Variants in CTNND2 observed in about 807,000 individuals in gnomAD.
The protein encoded by CTNND2 is catenin delta-2.
A neutral mutation model predicts 144.4 loss-of-function variants in CTNND2; 22 were observed. The ratio of observed to expected loss-of-function variants is 0.15; its 90% CI spans 0.11 to 0.22. The LOEUF is 0.22. CTNND2 is among the 10% of genes least tolerant of loss of function. The probability of loss-of-function intolerance (pLI) is 1.00; values close to 1 mark genes in which losing one functional copy is unlikely to be tolerated. For synonymous variants in CTNND2, 751 were observed against 695.6 expected, an observed-to-expected ratio of 1.08 and a Z score of -1.25; for missense variants, 1,353 against 1,618.8, an observed-to-expected ratio of 0.84 and a Z score of 2.82.
intron 1 of CTNND2, among the ~76,000 whole-genome samples, chr5:11,901,214 G>C (rs1337439044): frequency 6.6e-6 from 1 of 152,104 alleles, no homozygotes; most frequent in Non-Finnish European, 1.5e-5. Context: ...CCTTCGACAA[G>C]TCCACACAAA....
At chr5:11,172,174 T>C (rs937151170) in intron 11 of CTNND2, among the ~76,000 whole-genome samples, 7 of 152,132 alleles carry the variant, frequency 4.6e-5, no homozygotes, top group African/African-American at 1.7e-4. Flanking sequence ...TGATCTGGGG[T>C]GGGTCCTGCT....
intron 13 of CTNND2, among the ~76,000 whole-genome samples, chr5:11,117,165 C>T (rs1445122995): frequency 6.6e-6 from 1 of 151,590 alleles, no homozygotes; most frequent in African/African-American, 2.4e-5. Context: ...TTGTGAGCAA[C>T]GTGGTATTCA....
chr5:11,247,272 A>C (rs1466633991), intron 9 of CTNND2, among the ~76,000 whole-genome samples: 1 of 152,152 alleles, frequency 6.6e-6, no homozygotes, highest in Non-Finnish European at 1.5e-5. Flanking sequence ...AAGCACGGGC[A>C]GTCTGGATGC....
chr5:11,547,171 G>C (rs1289573189), intron 3 of CTNND2, among the ~76,000 whole-genome samples: 2 of 151,990 alleles, frequency 1.3e-5, no homozygotes, highest in Non-Finnish European at 2.9e-5. Context: ...AGGAAGCTGA[G>C]GCAGGAGAAT....
chr5:11,303,592 T>C (rs955752602), intron 9 of CTNND2, among the ~76,000 whole-genome samples: 2 of 152,198 alleles, frequency 1.3e-5, no homozygotes, highest in African/African-American at 4.8e-5. Flanking sequence ...AGTATTTATC[T>C]GCTGACCATA....
At chr5:11,148,561 C>T (rs1055685248) in intron 12 of CTNND2, among the ~76,000 whole-genome samples, 4 of 152,186 alleles carry the variant, frequency 2.6e-5, no homozygotes, top group African/African-American at 9.6e-5. Flanking sequence ...GTTTTAAAGA[C>T]AGTGGAGGGA....
intron 3 of CTNND2, among the ~76,000 whole-genome samples, chr5:11,547,331 G>A (rs945181426): frequency 2.0e-5 from 3 of 150,296 alleles, no homozygotes; most frequent in African/African-American, 7.4e-5. Flanking sequence ...AAAGTAAAAA[G>A]ATATAGCTTT....
At chr5:11,434,893 G>A (rs1763621326) in intron 3 of CTNND2, among the ~76,000 whole-genome samples, 1 of 152,030 alleles carries the variant, frequency 6.6e-6, no homozygotes, top group Non-Finnish European at 1.5e-5. Flanking sequence ...AATAGATTAT[G>A]TAATCAAATC....
Position 11,218,852 on chromosome 5 carries a change from G to A in CTNND2, c.1761+17839C>T, listed in dbSNP as rs770652795. On this transcript the variant is annotated intron_variant, in intron 10 of 21. Coordinates refer to ENST00000304623, the MANE Select transcript of CTNND2 (RefSeq NM_001332.4). Reference sequence around the variant, plus strand: ...TTCCCAGAAAATCCATCTTGTTTTCGTTTGGGGATTGCTGGGTCTTTCTGG... The same window carrying A: ...TTCCCAGAAAATCCATCTTGTTTTCATTTGGGGATTGCTGGGTCTTTCTGG... Among the ~76,000 whole-genome samples, 12 of 152,112 alleles carry A rather than the reference G, an allele frequency of 7.9e-5. No individual in the cohort carries two copies. In the East Asian group the frequency reaches 1.5e-3, roughly 20 times the overall value.
At chr5:11,346,284 T>C in intron 9 of CTNND2, 88 bp downstream of exon 9, 1 of 1,263,920 alleles carries the variant, frequency 7.9e-7, no homozygotes, top group Non-Finnish European at 1.0e-6. Context: ...GTCAGTGACA[T>C]AAATGCAACA....
At chr5:11,873,154 A>G (rs1313092478) in intron 1 of CTNND2, among the ~76,000 whole-genome samples, 5 of 152,234 alleles carry the variant, frequency 3.3e-5, no homozygotes, top group Non-Finnish European at 7.3e-5. Context: ...TTGGAGACAC[A>G]GGGATTCAAT....
intron 2 of CTNND2, among the ~76,000 whole-genome samples, chr5:11,590,767 C>CA (rs71595825): frequency 6.6e-6 from 1 of 152,038 alleles, no homozygotes; most frequent in African/African-American, 2.4e-5. Context: ...TCCCTGCCCG[C>CA]AAAAAAACTG....
At chr5:11,323,339 T>C (rs940810937) in intron 9 of CTNND2, among the ~76,000 whole-genome samples, 2 of 151,854 alleles carry the variant, frequency 1.3e-5, no homozygotes, top group Non-Finnish European at 2.9e-5. Flanking sequence ...CATGAAACAC[T>C]GCATCCAGGG....
At chr5:11,449,341 A>G (rs767840664) in intron 3 of CTNND2, among the ~76,000 whole-genome samples, 6 of 152,248 alleles carry the variant, frequency 3.9e-5, no homozygotes, top group Non-Finnish European at 8.8e-5. Flanking sequence ...TAGTGAATTC[A>G]TGGTAGAATT....
intron 2 of CTNND2, among the ~76,000 whole-genome samples, chr5:11,609,614 T>C (rs557268615): frequency 6.6e-6 from 1 of 152,300 alleles, no homozygotes; most frequent in East Asian, 1.9e-4. Context: ...ACAATGAACA[T>C]AATTCCAATA....
At chr5:11,360,910 C>T (rs983604590) in intron 8 of CTNND2, among the ~76,000 whole-genome samples, 1 of 152,112 alleles carries the variant, frequency 6.6e-6, no homozygotes, top group Admixed American at 6.5e-5. Context: ...CCATTAAGCT[C>T]CACAGATGAA....
At chr5:11,616,753 T>C (rs747683052) in intron 2 of CTNND2, among the ~76,000 whole-genome samples, 21 of 152,164 alleles carry the variant, frequency 1.4e-4, no homozygotes, top group Non-Finnish European at 2.8e-4. Flanking sequence ...ATTACAGGCA[T>C]GTGCTACCAC....
At chr5:11,480,668 G>GTGTGTGTGTA (rs1167983955) in intron 3 of CTNND2, among the ~76,000 whole-genome samples, 2 of 151,944 alleles carry the variant, frequency 1.3e-5, no homozygotes, top group Admixed American at 1.3e-4. Context: ...GTGTGTGTGT[G>GTGTGTGTGTA]TGTGTGTAAG....
chr5:10,998,849 G>T (rs749538087), intron 18 of CTNND2, among the ~76,000 whole-genome samples: 1 of 152,218 alleles, frequency 6.6e-6, no homozygotes, highest in Non-Finnish European at 1.5e-5. Context: ...AATGTGCGTA[G>T]GTTATATGCA....
Sources: gnomAD v4.1 joint callset for allele counts (sites outside exome capture counted in the v4.1 genomes callset) on GRCh38, gnomAD v4.1.1 for gene constraint, MANE v1.5 for transcripts, NCBI Gene and HGNC (gene_info 2026-07-23, HGNC 2026-07-21) for gene names.